TCF7L1: variants seen among roughly 807,000 people sequenced by gnomAD.
TCF7L1 encodes transcription factor 7 like 1.
In TCF7L1, 18 loss-of-function variants were observed where a neutral mutation model predicts 63.7. The observed-to-expected ratio is 0.28, with a 90% confidence interval of 0.20 to 0.42. The LOEUF is 0.42. Ranked by LOEUF, TCF7L1 falls within the 10% of genes least tolerant of loss-of-function variation. The probability of loss-of-function intolerance (pLI) is 1.00; values close to 1 mark genes in which losing one functional copy is unlikely to be tolerated. For missense variants in TCF7L1, 654 were observed against 779.3 expected, an observed-to-expected ratio of 0.84 and a Z score of 1.91; for synonymous variants, 355 against 340.9, an observed-to-expected ratio of 1.04 and a Z score of -0.46.
intron 3 of TCF7L1, chr2:85,186,579 G>A (rs754198454): frequency 6.6e-6 from 1 of 152,206 alleles, no homozygotes; most frequent in Non-Finnish European, 1.5e-5. Context: ...ATTTAGCAAA[G>A]ATGATAAATT....
At chr2:85,201,957 ATT>A in intron 3 of TCF7L1, among the ~76,000 whole-genome samples, 2 of 144,694 alleles carry the variant, frequency 1.4e-5, no homozygotes, top group Admixed American at 1.4e-4. Flanking sequence ...TTATTTATTT[ATT>A]TATTTATTTT....
At chr2:85,144,426 A>C (rs979985070) in intron 3 of TCF7L1, among the ~76,000 whole-genome samples, 1 of 150,998 alleles carries the variant, frequency 6.6e-6, no homozygotes, top group Non-Finnish European at 1.5e-5. Context: ...ACAAAAAAAA[A>C]AAAAAAAACA....
intron 3 of TCF7L1, among the ~76,000 whole-genome samples, chr2:85,167,994 C>T (rs965512622): frequency 1.1e-4 from 16 of 152,004 alleles, no homozygotes; most frequent in Non-Finnish European, 2.1e-4. Context: ...TATGTGGGAT[C>T]GAAAATAGTC....
At chr2:85,172,934 C>T (rs1179019542) in intron 3 of TCF7L1, among the ~76,000 whole-genome samples, 2 of 152,220 alleles carry the variant, frequency 1.3e-5, no homozygotes, top group Admixed American at 6.5e-5. Flanking sequence ...TGCCCGTCTC[C>T]ACTCGCTACC....
chr2:85,227,165 A>G lies in TCF7L1; in HGVS notation c.442-56330A>G, dbSNP rs114383487. On this transcript the variant is annotated intron_variant, in intron 3 of 11. Coordinates refer to ENST00000282111, the MANE Select transcript of TCF7L1 (RefSeq NM_031283.3). ...CTGTTTTTCCGGCATCTACCTTGTA[A>G]CAACTCTACCAAATCCCTTTATCTT... 9.9e-3 allele frequency among the ~76,000 whole-genome samples: 1,502 copies of G among 152,284 alleles called. 22 individuals are homozygous for G. Among genetic ancestry groups the G allele is most frequent in the African/African-American group, 0.034 (1,419 of 41,570 alleles).
chr2:85,279,157 A>G (rs781024621), intron 3 of TCF7L1, among the ~76,000 whole-genome samples: 1 of 152,196 alleles, frequency 6.6e-6, no homozygotes, highest in Non-Finnish European at 1.5e-5. Context: ...TACCATTACC[A>G]TGCAAAGAAT....
Position 85,306,710 on chromosome 2 carries a change from G to C in TCF7L1, c.1257+151G>C, listed in dbSNP as rs1682117089. 3 of 676,108 alleles carry C rather than the reference G, an allele frequency of 4.4e-6. No homozygotes were observed. The highest frequency in any genetic ancestry group is 7.2e-6 in the Non-Finnish European group (3 of 415,312). The allele number at this position is 676,108 out of a possible 1,614,324, so 41.9% of individuals were successfully genotyped here. A position where few individuals can be genotyped will look rare whatever the true frequency, so the allele number is the denominator to read the frequency against. On this transcript the variant is annotated intron_variant, in intron 10 of 11. Transcript: ENST00000282111. The surrounding 1 kb of genome is among the most constrained non-coding windows in gnomAD (Gnocchi z 4.3). ...GAGGCTCACCCTGTCACCCAGGCTGGAGTGCATGCAGTGGCGCGATCTCGG... is the reference window on the plus strand; with the variant it reads ...GAGGCTCACCCTGTCACCCAGGCTGCAGTGCATGCAGTGGCGCGATCTCGG...
chr2:85,212,765 A>G (rs1679598774), intron 3 of TCF7L1, among the ~76,000 whole-genome samples: 1 of 152,014 alleles, frequency 6.6e-6, no homozygotes, highest in African/African-American at 2.4e-5. Flanking sequence ...ACCCCTGAGG[A>G]AGGATGTCAT....
chr2:85,141,970 C>T (rs1407941669), intron 3 of TCF7L1, among the ~76,000 whole-genome samples: 1 of 152,198 alleles, frequency 6.6e-6, no homozygotes, highest in African/African-American at 2.4e-5. Flanking sequence ...GGAACTTCCT[C>T]TCCATCCTCT....
At chr2:85,196,559 A>G (rs1211730470) in intron 3 of TCF7L1, among the ~76,000 whole-genome samples, 2 of 151,390 alleles carry the variant, frequency 1.3e-5, no homozygotes, top group Non-Finnish European at 2.9e-5. Flanking sequence ...TTTAAGAGAC[A>G]GGGTCTCACT....
At chr2:85,228,485 G>A (rs1680004426) in intron 3 of TCF7L1, among the ~76,000 whole-genome samples, 1 of 152,140 alleles carries the variant, frequency 6.6e-6, no homozygotes, top group South Asian at 2.1e-4. Context: ...TGAGAGAGAG[G>A]GATGAATGTC....
intron 3 of TCF7L1, among the ~76,000 whole-genome samples, chr2:85,223,126 G>A (rs1053639290): frequency 1.3e-5 from 2 of 152,188 alleles, no homozygotes; most frequent in Non-Finnish European, 2.9e-5. Context: ...CAGTCGCCTA[G>A]GCTAGAGTGC....
intron 4 of TCF7L1, among the ~76,000 whole-genome samples, chr2:85,289,411 A>G (rs998834719): frequency 6.6e-6 from 1 of 152,218 alleles, no homozygotes; most frequent in East Asian, 1.9e-4. Context: ...CCAAAACTTT[A>G]GAGTGACTTA....
rs1270800236 is a variant in TCF7L1 at position 85,134,880 on chromosome 2, G to C, written c.441+430G>C. 6.6e-6 allele frequency among the ~76,000 whole-genome samples: 1 copy of C among 152,142 alleles called. No individual in the cohort carries two copies. The highest frequency in any genetic ancestry group is 1.5e-5 in the Non-Finnish European group (1 of 68,032). ...CGGGTTCACTGGGCGGCTGCAGGCT[G>C]GTTCCTAAGAAACCCAGTTTTCGTG... On this transcript the variant is annotated intron_variant, in intron 3 of 11. Coordinates refer to ENST00000282111, the MANE Select transcript of TCF7L1 (RefSeq NM_031283.3). This position sits in a 1 kb window ranked among gnomAD's most constrained non-coding sequence, Gnocchi z 5.0.
At chr2:85,224,774 A>T (rs540455629) in intron 3 of TCF7L1, among the ~76,000 whole-genome samples, 41 of 152,176 alleles carry the variant, frequency 2.7e-4, no homozygotes, top group African/African-American at 9.4e-4. Flanking sequence ...GCTGTGCAGA[A>T]GCTCTTTAAT....
chr2:85,139,842 A>G (rs1432871181), intron 3 of TCF7L1, among the ~76,000 whole-genome samples: 1 of 152,192 alleles, frequency 6.6e-6, no homozygotes, highest in African/African-American at 2.4e-5. Flanking sequence ...GGGACCTAGA[A>G]TGCCATGGAA....
At chr2:85,266,794 A>G in intron 3 of TCF7L1, among the ~76,000 whole-genome samples, 1 of 152,356 alleles carries the variant, frequency 6.6e-6, no homozygotes, top group East Asian at 1.9e-4. Flanking sequence ...TGCTTACATT[A>G]GTATTTCATC....
In TCF7L1 at chr2:85,133,908, A is replaced by C; in HGVS notation, c.224A>C (p.Asn75Thr). 1 of 1,526,974 alleles carries C rather than the reference A, an allele frequency of 6.5e-7. No homozygotes were observed. The highest frequency in any genetic ancestry group is 8.8e-7 in the Non-Finnish European group (1 of 1,133,766). 94.6% of individuals were successfully genotyped at this position (1,526,974 alleles called of 1,614,324 possible). ...VKSSLVNESE[N>T]QSSSSDSEAE... ...TCGTCCCTGGTCAACGAGTCGGAGA[A>C]CCAGAGCAGCAGCTCGGACTCGGAG... The change falls in exon 1 of 12, where the codon AAC (asparagine) becomes ACC (threonine). Residue 75 changes from asparagine to threonine, a missense_variant. Asn to Thr is a moderately conservative substitution (Grantham distance 65). Coordinates refer to ENST00000282111, the MANE Select transcript of TCF7L1 (RefSeq NM_031283.3). This position sits in a 1 kb window ranked among gnomAD's most constrained non-coding sequence, Gnocchi z 4.4.
chr2:85,166,131 A>G (rs1325181789), intron 3 of TCF7L1, among the ~76,000 whole-genome samples: 1 of 152,244 alleles, frequency 6.6e-6, no homozygotes, highest in East Asian at 1.9e-4. Context: ...TGGTTGTAAC[A>G]TCTGCCTCCT....
Sources: gnomAD v4.1 joint callset for allele counts (sites outside exome capture counted in the v4.1 genomes callset) on GRCh38, gnomAD v4.1.1 for gene constraint, Gnocchi (gnomAD v3.1) non-coding constraint, MANE v1.5 for transcripts, NCBI Gene and HGNC (gene_info 2026-07-23, HGNC 2026-07-21) for gene names.